The following SUSD3 variants were observed in gnomAD, a reference collection of about 807,000 sequenced individuals.
The protein encoded by SUSD3 is sushi domain containing 3.
Under a neutral mutation model 20.6 loss-of-function variants are expected in SUSD3, and 18 were observed. That is an observed-to-expected ratio of 0.87 (90% confidence interval 0.60 to 1.30). The LOEUF (loss-of-function observed/expected upper bound fraction) is 1.30, where lower values mean the gene tolerates loss of function less well. Among genes scored for constraint, SUSD3 ranks in the 50% most tolerant of loss-of-function variants. SUSD3 has a pLI of 0.00. For missense variants in SUSD3, 306 were observed against 346.9 expected (o/e 0.88, Z 0.94); for synonymous variants, 137 against 141.5 (o/e 0.97, Z 0.23).
intron 1 of SUSD3, among the ~76,000 whole-genome samples, chr9:93,074,275 A>G (rs1176996675): frequency 1.3e-5 from 2 of 151,908 alleles, no homozygotes; most frequent in Non-Finnish European, 2.9e-5. Context: ...CTAAAAATAC[A>G]AAAAATCAGC....
In SUSD3 at chr9:93,070,881, C is replaced by T. The variant is rs1203603134; in HGVS notation, c.89-4903C>T. The stretch of plus-strand genomic sequence containing the variant: ...TAGAGCCTGGGCATTATTCTTCCTT[C>T]TATTATTATTGTTGCTGATATTCCT... On this transcript the variant is annotated intron_variant, in intron 1 of 4. Transcript: ENST00000375472. Among the ~76,000 whole-genome samples, 3 of 152,176 alleles carry T rather than the reference C, an allele frequency of 2.0e-5. No homozygotes were observed. The East Asian group carries it at 5.8e-4, about 29-fold the overall frequency.
rs1826470393 is a variant in SUSD3, at chr9:93,082,739, C to T, written c.558-1798C>T. 3.3e-5 allele frequency among the ~76,000 whole-genome samples: 5 copies of T among 152,330 alleles called. No individual in the cohort carries two copies. The South Asian group carries it at 1.0e-3, about 32-fold the overall frequency. ...TTGCCCCACCTGTGATCCCCACTCCCCATTACAGCACTGGGACCAGATCAT... is the reference window on the plus strand; with the variant it reads ...TTGCCCCACCTGTGATCCCCACTCCTCATTACAGCACTGGGACCAGATCAT... On this transcript the variant is annotated intron_variant, in intron 4 of 4. Coordinates refer to ENST00000375472, the MANE Select transcript of SUSD3 (RefSeq NM_145006.4).
intron 1 of SUSD3, among the ~76,000 whole-genome samples, chr9:93,075,158 C>G (rs1826078087): frequency 6.6e-6 from 1 of 152,176 alleles, no homozygotes; most frequent in South Asian, 2.1e-4. Context: ...CTGTGGGCCA[C>G]TGGTATCCTT....
chr9:93,081,794 C>A (rs1225571667), intron 4 of SUSD3, among the ~76,000 whole-genome samples: 1 of 152,214 alleles, frequency 6.6e-6, no homozygotes, highest in Non-Finnish European at 1.5e-5. Context: ...CCATGGTGGT[C>A]TGAGGCCTCC....
intron 1 of SUSD3, among the ~76,000 whole-genome samples, chr9:93,072,629 G>T (rs879519886): frequency 2.6e-5 from 4 of 152,212 alleles, no homozygotes; most frequent in Non-Finnish European, 4.4e-5. Flanking sequence ...TGTGGGGTAA[G>T]AAATGGAGTG....
chr9:93,069,141 G>T (rs1332949318), intron 1 of SUSD3: 1 of 702,868 alleles, frequency 1.4e-6, no homozygotes, highest in Non-Finnish European at 2.6e-6. Flanking sequence ...AAATTCCAGA[G>T]ATAATTTGTA....
intron 1 of SUSD3, among the ~76,000 whole-genome samples, chr9:93,069,882 C>T (rs1006093177): frequency 2.6e-5 from 4 of 151,786 alleles, no homozygotes; most frequent in African/African-American, 7.3e-5. Flanking sequence ...TGGGATCAGG[C>T]GATTCTCCTG....
rs1826226325 is a variant in SUSD3, at chr9:93,077,784, C to A, written c.278-62C>A. 1.9e-6 allele frequency: 3 copies of A among 1,601,766 alleles called. No individual in the cohort carries two copies. In the South Asian group the frequency reaches 3.3e-5, roughly 18 times the overall value. The stretch of plus-strand genomic sequence containing the variant: ...CCCGTACCACCCCTGAGACCCCCAA[C>A]CCCTGGGCCAAGCAAATCTGGGCAA... On this transcript the variant is annotated intron_variant, in intron 2 of 4. Coordinates refer to ENST00000375472, the MANE Select transcript of SUSD3 (RefSeq NM_145006.4).
Position 93,075,547 on chromosome 9 carries a change from T to A in SUSD3, c.89-237T>A, listed in dbSNP as rs1028597102. ...GTCTTCTAACACTTATTTCTTTTTT[T>A]AATGCTCCAATCCTCAACATCTAGA... On this transcript the variant is annotated intron_variant, in intron 1 of 4. Coordinates refer to ENST00000375472, the MANE Select transcript of SUSD3 (RefSeq NM_145006.4). 8.5e-5 allele frequency among the ~76,000 whole-genome samples: 13 copies of A among 152,098 alleles called. 1 individual carries two copies. Among genetic ancestry groups the A allele is most frequent in the Middle Eastern group, 3.4e-3 (1 of 294 alleles).
chr9:93,061,102 C>T, intron 1 of SUSD3, among the ~76,000 whole-genome samples: 1 of 152,238 alleles, frequency 6.6e-6, no homozygotes, highest in Non-Finnish European at 1.5e-5. Context: ...GCTCCCAGGT[C>T]AGCCCCAGCA....
In SUSD3 at chr9:93,084,518, A is replaced by C; in HGVS notation, c.558-19A>C. ...CCTATCCACACTCTTTTGCCAACTC[A>C]TGCCTCCTCTCTCCACAGAGACCAT... On this transcript the variant is annotated intron_variant, in intron 4 of 4. Coordinates refer to ENST00000375472, the MANE Select transcript of SUSD3 (RefSeq NM_145006.4). 6.4e-7 allele frequency: 1 copy of C among 1,558,632 alleles called. No individual in the cohort carries two copies. The highest frequency in any genetic ancestry group is 8.7e-7 in the Non-Finnish European group (1 of 1,150,590).
In SUSD3 at chr9:93,079,593, G is replaced by T; in HGVS notation, c.548G>T (p.Ser183Ile). Residue 183 changes from serine to isoleucine, a missense_variant, in exon 4 of 5, where the codon AGC (serine) becomes ATC (isoleucine). By Grantham distance (142) the Ser-to-Ile change is moderately radical. Coordinates refer to ENST00000375472, the MANE Select transcript of SUSD3 (RefSeq NM_145006.4). Reference sequence around the variant, plus strand: ...CCCAGCCAGGCGCACGACAACCACAGCTTCACCACGTGAGCCCGGGTCTGG... The same window carrying T: ...CCCAGCCAGGCGCACGACAACCACATCTTCACCACGTGAGCCCGGGTCTGG... Reference protein sequence around the residue: ...SGPSQAHDNHSFTTDHGESTS... With the variant: ...SGPSQAHDNHIFTTDHGESTS... 6 of 1,613,818 alleles carry T rather than the reference G, an allele frequency of 3.7e-6. No homozygotes were observed. The highest frequency in any genetic ancestry group is 5.1e-6 in the Non-Finnish European group (6 of 1,179,972).
intron 1 of SUSD3, 37 bp from the exon 2 acceptor site, chr9:93,075,747 C>G (rs753393618): frequency 9.3e-5 from 18 of 192,820 alleles, no homozygotes; most frequent in Admixed American, 5.0e-4. Context: ...CCCACCCCCC[C>G]CCCCCCGCCA....
chr9:93,075,938 C>T lies in SUSD3; in HGVS notation c.243C>T (p.Ile81=), dbSNP rs369622588. The change falls in exon 2 of 5, where the codon ATC becomes ATT. Residue 81 remains isoleucine (I), a synonymous_variant. Coordinates refer to ENST00000375472, the MANE Select transcript of SUSD3 (RefSeq NM_145006.4). ...GLLTCTWKGS[I]AEWSSGSPVC... is the part of the protein sequence containing the mutation. ...TCACCTGCACCTGGAAGGGGAGCAT[C>T]GCTGAGTGGTCTTCAGGGTCCCCAG... 72 of 1,611,524 alleles carry T rather than the reference C, an allele frequency of 4.5e-5. No individual in the cohort carries two copies. Among genetic ancestry groups the T allele is most frequent in the Non-Finnish European group, 5.9e-5 (69 of 1,178,396 alleles).
intron 1 of SUSD3, among the ~76,000 whole-genome samples, chr9:93,063,184 C>A (rs914467995): frequency 2.6e-5 from 4 of 152,154 alleles, no homozygotes; most frequent in Admixed American, 2.6e-4. Context: ...ATGCTGCAGA[C>A]CTTGGGGATC....
chr9:93,061,195 G>A (rs1160486668), intron 1 of SUSD3, among the ~76,000 whole-genome samples: 1 of 152,244 alleles, frequency 6.6e-6, no homozygotes, highest in African/African-American at 2.4e-5. Flanking sequence ...AAGGGCCTTG[G>A]AGGAAGGGCC....
At chr9:93,078,026 G>A (rs535736553) in intron 3 of SUSD3, 33 bp downstream of exon 3, 39 of 1,613,682 alleles carry the variant, frequency 2.4e-5, no homozygotes, top group Admixed American at 1.5e-4. Context: ...GGGTCCTCCC[G>A]GGAGGCGCCT....
At chr9:93,059,147 G>C (rs1040631644) in intron 1 of SUSD3, among the ~76,000 whole-genome samples, 8 of 152,118 alleles carry the variant, frequency 5.3e-5, no homozygotes, top group African/African-American at 1.7e-4. Flanking sequence ...CGCAGGCTCC[G>C]GGCCCCTCCG....
At chr9:93,066,356 C>G (rs150382203) in intron 1 of SUSD3, among the ~76,000 whole-genome samples, 1 of 152,290 alleles carries the variant, frequency 6.6e-6, no homozygotes, top group Non-Finnish European at 1.5e-5. Flanking sequence ...GTCTCAGCCT[C>G]TTGAGTAGCT....
Sources: allele counts gnomAD v4.1 joint callset (sites outside exome capture counted in the v4.1 genomes callset), GRCh38; gene constraint gnomAD v4.1.1; transcripts MANE v1.5; gene names NCBI Gene and HGNC (gene_info 2026-07-23, HGNC 2026-07-21).